CSMD1: variants seen among roughly 807,000 people sequenced by gnomAD.
The protein encoded by CSMD1 is CUB and sushi domain-containing protein 1.
Under a neutral mutation model 417.5 loss-of-function variants are expected in CSMD1, and 213 were observed. The ratio of observed to expected loss-of-function variants is 0.51; its 90% CI spans 0.46 to 0.57. The LOEUF (loss-of-function observed/expected upper bound fraction) is 0.57, where lower values mean the gene tolerates loss of function less well. CSMD1 is among the 20% of genes least tolerant of loss of function. CSMD1 has a pLI of 0.00. For missense variants in CSMD1, 6,923 were observed against 4,529.7 expected (o/e 1.53, Z -15.17); for synonymous variants, 2,862 against 1,736.8 (o/e 1.65, Z -16.11).
chr8:3,837,486 C>A (rs924993845), intron 5 of CSMD1, among the ~76,000 whole-genome samples: 1 of 152,034 alleles, frequency 6.6e-6, no homozygotes, highest in Non-Finnish European at 1.5e-5. Context: ...TGCTGAACAG[C>A]AGAAACAAGA....
At chr8:4,840,832 A>C (rs1268332492) in intron 1 of CSMD1, among the ~76,000 whole-genome samples, 2 of 152,236 alleles carry the variant, frequency 1.3e-5, no homozygotes, top group East Asian at 1.9e-4. Flanking sequence ...TAGAATCATG[A>C]GTAATCATTA....
At chr8:3,742,774 A>T (rs1796877443) in intron 6 of CSMD1, among the ~76,000 whole-genome samples, 1 of 152,172 alleles carries the variant, frequency 6.6e-6, no homozygotes, top group Non-Finnish European at 1.5e-5. Flanking sequence ...CGAAACAAAA[A>T]CACCAACAAC....
intron 3 of CSMD1, among the ~76,000 whole-genome samples, chr8:4,100,981 A>G (rs1407131945): frequency 6.6e-6 from 1 of 152,192 alleles, no homozygotes; most frequent in Non-Finnish European, 1.5e-5. Context: ...CACAATACTG[A>G]AATCTGAACT....
rs965549658 is a variant in CSMD1, at chr8:3,723,935, C to T, written c.932-15444G>A. Among the ~76,000 whole-genome samples, 3 of 152,054 alleles carry T rather than the reference C, an allele frequency of 2.0e-5. No homozygotes were observed. In the South Asian group the frequency reaches 6.2e-4, roughly 31 times the overall value. On this transcript the variant is annotated intron_variant, in intron 6 of 69. Coordinates refer to ENST00000635120, the MANE Select transcript of CSMD1 (RefSeq NM_033225.6). ...GATGCAGATTCCATTTTGTAGCTAACTTTTAAGAAATAGCCATTTGTTAAG... is the reference window on the plus strand; with the variant it reads ...GATGCAGATTCCATTTTGTAGCTAATTTTTAAGAAATAGCCATTTGTTAAG...
chr8:3,961,089 G>C (rs865926971), intron 5 of CSMD1, among the ~76,000 whole-genome samples: 2 of 151,876 alleles, frequency 1.3e-5, no homozygotes, highest in Non-Finnish European at 1.5e-5. Flanking sequence ...AAACTCAAAG[G>C]CTACAAAGTC....
chr8:4,993,935 G>A (rs994068154), intron 1 of CSMD1, among the ~76,000 whole-genome samples: 1 of 152,082 alleles, frequency 6.6e-6, no homozygotes, highest in African/African-American at 2.4e-5. Flanking sequence ...CGTCGGGTCC[G>A]GGGAGAAAGT....
chr8:3,051,878 G>C (rs748661180), intron 50 of CSMD1, among the ~76,000 whole-genome samples: 3 of 152,094 alleles, frequency 2.0e-5, no homozygotes, highest in Non-Finnish European at 2.9e-5. Context: ...CATAAGACTA[G>C]AGTTTCAGAA....
At chr8:4,007,025 A>C (rs982466176) in intron 4 of CSMD1, among the ~76,000 whole-genome samples, 5 of 151,866 alleles carry the variant, frequency 3.3e-5, no homozygotes, top group Non-Finnish European at 7.4e-5. Flanking sequence ...TTTTTAGTAG[A>C]GACGGGGTTT....
intron 5 of CSMD1, among the ~76,000 whole-genome samples, chr8:3,959,637 G>C (rs1369283800): frequency 2.0e-5 from 3 of 152,196 alleles, no homozygotes; most frequent in Non-Finnish European, 2.9e-5. Context: ...TGTAATTTAT[G>C]TTTTTGCCAT....
intron 1 of CSMD1, among the ~76,000 whole-genome samples, chr8:4,962,197 T>TA (rs368435637): frequency 0.048 from 5,805 of 121,232 alleles, 257 homozygotes; most frequent in East Asian, 0.23. Context: ...GCTTTTTTTT[T>TA]AAAAAAAAAA....
intron 5 of CSMD1, among the ~76,000 whole-genome samples, chr8:3,811,426 C>G (rs76608934): frequency 6.6e-6 from 1 of 152,068 alleles, no homozygotes. Context: ...GCTTCATGTT[C>G]GACTTACTGG....
intron 4 of CSMD1, among the ~76,000 whole-genome samples, chr8:4,028,723 G>A (rs996282625): frequency 2.0e-5 from 3 of 152,246 alleles, no homozygotes; most frequent in Middle Eastern, 3.4e-3. Context: ...CCTTTTAAAT[G>A]AGTGTTAATA....
chr8:3,935,738 C>T (rs950434043), intron 5 of CSMD1, among the ~76,000 whole-genome samples: 1 of 152,088 alleles, frequency 6.6e-6, no homozygotes, highest in Admixed American at 6.6e-5. Flanking sequence ...CATTGGGCCT[C>T]GCTATTCCGT....
At chr8:3,118,004 C>G (rs1816969699) in intron 42 of CSMD1, among the ~76,000 whole-genome samples, 1 of 152,092 alleles carries the variant, frequency 6.6e-6, no homozygotes, top group African/African-American at 2.4e-5. Context: ...AAAGAAACAC[C>G]AAGGATCAAA....
At chr8:4,577,134 C>T (rs1265379977) in intron 2 of CSMD1, among the ~76,000 whole-genome samples, 1 of 152,024 alleles carries the variant, frequency 6.6e-6, no homozygotes, top group Non-Finnish European at 1.5e-5. Context: ...TAATCTTCTG[C>T]AATGTTTCCT....
intron 2 of CSMD1, among the ~76,000 whole-genome samples, chr8:4,458,588 A>T (rs1585111436): frequency 6.6e-6 from 1 of 152,206 alleles, no homozygotes; most frequent in East Asian, 1.9e-4. Flanking sequence ...AGTAAATACA[A>T]GGAAAAAAAA....
intron 7 of CSMD1, among the ~76,000 whole-genome samples, chr8:3,688,643 A>AT (rs1443569751): frequency 6.6e-6 from 1 of 152,180 alleles, no homozygotes; most frequent in African/African-American, 2.4e-5. Flanking sequence ...CAAATTCTAG[A>AT]TTTTTCAGTG....
At chr8:3,885,258 C>T (rs564586959) in intron 5 of CSMD1, among the ~76,000 whole-genome samples, 1 of 152,180 alleles carries the variant, frequency 6.6e-6, no homozygotes, top group East Asian at 1.9e-4. Context: ...CCTGAAAAGC[C>T]TCTAGCATCA....
At chr8:3,550,172 T>A (rs1039571424) in intron 10 of CSMD1, among the ~76,000 whole-genome samples, 3 of 152,182 alleles carry the variant, frequency 2.0e-5, no homozygotes, top group Non-Finnish European at 4.4e-5. Flanking sequence ...TGCTTCACCT[T>A]TTGATCCCGA....
Sources: gnomAD v4.1 joint callset for allele counts (sites outside exome capture counted in the v4.1 genomes callset) on GRCh38, gnomAD v4.1.1 for gene constraint, MANE v1.5 for transcripts, NCBI Gene and HGNC (gene_info 2026-07-23, HGNC 2026-07-21) for gene names.